The following RLN2 variants were observed in gnomAD, a reference collection of about 807,000 sequenced individuals.
RLN2 encodes the protein relaxin 2.
RLN2 carries 10 observed loss-of-function variants against 7.3 expected under a neutral mutation model. The observed-to-expected ratio is 1.36, with a 90% CI of 0.84 to 2.31. The LOEUF is 2.31. Ranked by LOEUF, RLN2 falls within the 30% of genes most tolerant of loss-of-function variation. The pLI, the probability that RLN2 is intolerant of heterozygous loss-of-function variation, is 0.00. For missense variants in RLN2, 298 were observed against 217.6 expected (o/e 1.37, Z -2.32); for synonymous variants, 103 against 82.3 (o/e 1.25, Z -1.36).
upstream of RLN2, among the ~76,000 whole-genome samples, chr9:5,306,695 G>C (rs1430043357): frequency 6.6e-6 from 1 of 151,990 alleles, no homozygotes; most frequent in Admixed American, 6.6e-5. Context: ...CTGGAGTTTG[G>C]GTTCCAACCC....
At chr9:5,301,059 T>C (rs1586925024) in intron 1 of RLN2, among the ~76,000 whole-genome samples, 3 of 152,182 alleles carry the variant, frequency 2.0e-5, no homozygotes, top group African/African-American at 2.4e-5. Flanking sequence ...TCCAAAACAA[T>C]AGTATTTTAT....
At chr9:5,319,766 G>A in the RLN2 span, among the ~76,000 whole-genome samples, 1 of 151,930 alleles carries the variant, frequency 6.6e-6, no homozygotes, top group East Asian at 1.9e-4. Flanking sequence ...CAGTAGTTCT[G>A]ACCATCTCTC....
the RLN2 span, among the ~76,000 whole-genome samples, chr9:5,319,312 G>A: frequency 6.6e-6 from 1 of 151,944 alleles, no homozygotes; most frequent in East Asian, 1.9e-4. Context: ...AGGCAGAGGA[G>A]GCAGACATAT....
chr9:5,323,172 T>A, the RLN2 span, among the ~76,000 whole-genome samples: 1 of 151,882 alleles, frequency 6.6e-6, no homozygotes, highest in Admixed American at 6.6e-5. Flanking sequence ...CAAATCCTTA[T>A]TCCTATTCCT....
the RLN2 span, among the ~76,000 whole-genome samples, chr9:5,312,155 G>A: frequency 2.8e-4 from 42 of 151,934 alleles, 1 homozygote; most frequent in African/African-American, 9.0e-4. Context: ...ACTTCCTCTT[G>A]GCTCCCAAGA....
At chr9:5,316,484 C>G in the RLN2 span, among the ~76,000 whole-genome samples, 1 of 151,926 alleles carries the variant, frequency 6.6e-6, no homozygotes, top group Non-Finnish European at 1.5e-5. Context: ...ATGTTCCCCT[C>G]CTTGTGTCCA....
the RLN2 span, among the ~76,000 whole-genome samples, chr9:5,329,553 T>C: frequency 6.9e-6 from 1 of 144,026 alleles, no homozygotes; most frequent in East Asian, 2.0e-4. Flanking sequence ...AACAAAGGGA[T>C]GGAGGAAGAT....
rs1298173318 is a variant in RLN2, at chr9:5,300,885, A to T, written c.212-441T>A. On this transcript the variant is annotated intron_variant, in intron 1 of 1. Coordinates refer to ENST00000381627, the MANE Select transcript of RLN2 (RefSeq NM_134441.3). ...GTTGTAATAGTAACCCTTGAAAAAGATATTACTTTAAGCTATTGAATATTT... is the reference window on the plus strand; with the variant it reads ...GTTGTAATAGTAACCCTTGAAAAAGTTATTACTTTAAGCTATTGAATATTT... Among the ~76,000 whole-genome samples, 195 of 152,190 alleles carry T rather than the reference A, an allele frequency of 1.3e-3. 3 individuals carry two copies. Among genetic ancestry groups the T allele is most frequent in the Non-Finnish European group, 7.3e-5 (5 of 68,034 alleles).
chr9:5,309,832 G>A, the RLN2 span, among the ~76,000 whole-genome samples: 1 of 151,984 alleles, frequency 6.6e-6, no homozygotes, highest in Admixed American at 6.6e-5. Context: ...TGAGGTGTGC[G>A]CAGCTTCCCT....
the RLN2 span, among the ~76,000 whole-genome samples, chr9:5,313,705 T>C: frequency 1.1e-5 from 1 of 93,152 alleles, no homozygotes; most frequent in East Asian, 3.9e-4. Flanking sequence ...GCATTTGAAA[T>C]CCACTTTTTA....
chr9:5,312,546 A>G, the RLN2 span, among the ~76,000 whole-genome samples: 1 of 152,100 alleles, frequency 6.6e-6, no homozygotes, highest in Admixed American at 6.6e-5. Flanking sequence ...TGTTCAGAGC[A>G]TAAGATGAAT....
At chr9:5,317,412 A>G in the RLN2 span, among the ~76,000 whole-genome samples, 2 of 150,950 alleles carry the variant, frequency 1.3e-5, no homozygotes, top group Non-Finnish European at 2.9e-5. Context: ...AGACTGCATC[A>G]TTGCACTCCA....
the RLN2 span, among the ~76,000 whole-genome samples, chr9:5,327,378 C>G: frequency 6.6e-6 from 1 of 151,934 alleles, no homozygotes; most frequent in Non-Finnish European, 1.5e-5. Context: ...GAGTAGCTCA[C>G]AGTGTAAACA....
At chr9:5,335,285 C>T in the RLN2 span, 1 of 1,598,432 alleles carries the variant, frequency 6.3e-7, no homozygotes, top group Non-Finnish European at 8.5e-7. Context: ...TTTGGTACAA[C>T]CAATTAGGCA....
chr9:5,334,525 T>C, the RLN2 span, among the ~76,000 whole-genome samples: 1 of 152,026 alleles, frequency 6.6e-6, no homozygotes, highest in Non-Finnish European at 1.5e-5. Context: ...AAATAGTAAA[T>C]TCTAAAGAAG....
chr9:5,310,115 A>C, the RLN2 span, among the ~76,000 whole-genome samples: 1 of 151,934 alleles, frequency 6.6e-6, no homozygotes, highest in Non-Finnish European at 1.5e-5. Context: ...AGCAGGAGGA[A>C]TATCTGTATT....
chr9:5,305,266 C>T (rs1023620376), upstream of RLN2, among the ~76,000 whole-genome samples: 5 of 151,586 alleles, frequency 3.3e-5, no homozygotes, highest in South Asian at 2.1e-4. Flanking sequence ...TTGCACTTTC[C>T]TTCCACTCTT....
the RLN2 span, chr9:5,311,726 A>C: frequency 8.8e-7 from 1 of 1,142,410 alleles, no homozygotes; most frequent in East Asian, 2.4e-5. Context: ...AAGTGTGTGC[A>C]TTTTTGATAA....
At chr9:5,329,320 A>G in the RLN2 span, among the ~76,000 whole-genome samples, 7 of 150,292 alleles carry the variant, frequency 4.7e-5, no homozygotes, top group Non-Finnish European at 1.5e-5. Context: ...AAAAAAAAAA[A>G]AAAAAAAAAG....
Sources: gnomAD v4.1 joint callset for allele counts (sites outside exome capture counted in the v4.1 genomes callset) on GRCh38, gnomAD v4.1.1 for gene constraint, MANE v1.5 for transcripts, NCBI Gene and HGNC (gene_info 2026-07-23, HGNC 2026-07-21) for gene names.